The following EPHB1 variants were observed in gnomAD, a reference collection of about 807,000 sequenced individuals.
EPHB1 encodes the protein EPH receptor B1, also known as ephrin type-B receptor 1.
Under a neutral mutation model 94.4 loss-of-function variants are expected in EPHB1, and 30 were observed. The ratio of observed to expected loss-of-function variants is 0.32; its 90% CI spans 0.24 to 0.43. The LOEUF (loss-of-function observed/expected upper bound fraction) is 0.43, where lower values mean the gene tolerates loss of function less well. EPHB1 is among the 20% of genes least tolerant of loss of function. EPHB1 has a pLI of 1.00. For missense variants in EPHB1, 1,055 were observed against 1,308.3 expected, an observed-to-expected ratio of 0.81 and a Z score of 2.99; for synonymous variants, 522 against 489.1, an observed-to-expected ratio of 1.07 and a Z score of -0.89.
At chr3:135,237,763 C>T (rs1278844786) in intron 12 of EPHB1, among the ~76,000 whole-genome samples, 1 of 152,208 alleles carries the variant, frequency 6.6e-6, no homozygotes, top group Non-Finnish European at 1.5e-5. Context: ...ATATTCCTCA[C>T]CACCCAATGG....
chr3:135,079,250 A>G lies in EPHB1; in HGVS notation c.806-27198A>G, dbSNP rs372021606. 3.9e-5 allele frequency among the ~76,000 whole-genome samples: 6 copies of G among 152,354 alleles called. No homozygotes were observed. The East Asian group carries it at 1.2e-3, about 29-fold the overall frequency. On this transcript the variant is annotated intron_variant, in intron 3 of 15. Transcript: ENST00000398015. ...GAGTTGATCATGGGGCGTTGAGTCT[A>G]CAGAGTGATGGTGACATATTTCTGG...
At chr3:135,192,461 C>A in intron 10 of EPHB1, 115 bp from the exon 11 acceptor site, 1 of 1,300,288 alleles carries the variant, frequency 7.7e-7, no homozygotes, top group Non-Finnish European at 1.1e-6. Flanking sequence ...TTTTAATTTC[C>A]GCCACTTTAA....
intron 6 of EPHB1, among the ~76,000 whole-genome samples, chr3:135,158,010 G>A (rs897213773): frequency 1.3e-5 from 2 of 152,130 alleles, no homozygotes; most frequent in Admixed American, 1.3e-4. Flanking sequence ...CTTCGGTGGT[G>A]GAAACTTCTG....
chr3:134,812,042 G>A (rs2036189514), intron 1 of EPHB1, among the ~76,000 whole-genome samples: 1 of 152,242 alleles, frequency 6.6e-6, no homozygotes, highest in Non-Finnish European at 1.5e-5. Context: ...GGACGGCTAT[G>A]CCAGTGCCTA....
chr3:135,237,165 T>C (rs1332158374), intron 12 of EPHB1, among the ~76,000 whole-genome samples: 5 of 151,948 alleles, frequency 3.3e-5, no homozygotes, highest in African/African-American at 1.2e-4. Flanking sequence ...AGCTTCTACC[T>C]GTTGGCATCA....
At chr3:135,143,276 A>G (rs946289365) in intron 5 of EPHB1, among the ~76,000 whole-genome samples, 11 of 152,128 alleles carry the variant, frequency 7.2e-5, no homozygotes, top group Non-Finnish European at 1.5e-4. Context: ...GCATGGCAGG[A>G]TGGAAGCCCG....
chr3:135,074,902 G>T (rs1937854850), intron 3 of EPHB1, among the ~76,000 whole-genome samples: 1 of 152,192 alleles, frequency 6.6e-6, no homozygotes, highest in African/African-American at 2.4e-5. Flanking sequence ...TGAGGAGTGA[G>T]ACCCACAGGC....
intron 2 of EPHB1, among the ~76,000 whole-genome samples, chr3:134,950,708 C>A (rs1392410385): frequency 6.6e-6 from 1 of 151,836 alleles, no homozygotes; most frequent in Non-Finnish European, 1.5e-5. Flanking sequence ...GAAGGATCTG[C>A]CCCCATAATC....
At position 134,795,653 on chromosome 3, in the gene EPHB1, C is replaced by T. The variant is rs1342555176; in HGVS notation, c.22C>T (p.Leu8=). Residue 8 remains leucine, a synonymous_variant, in exon 1 of 16, where the codon CTG becomes TTG. Coordinates refer to ENST00000398015, the MANE Select transcript of EPHB1 (RefSeq NM_004441.5). ...GGCGATGGCCCTGGATTATCTACTA[C>T]TGCTCCTCCTGGCATCCGCAGTGGC... is the stretch of plus-strand genomic sequence containing the variant. MALDYLL[L]LLLASAVAAM... 8 of 1,609,776 alleles carry T rather than the reference C, an allele frequency of 5.0e-6. No individual in the cohort carries two copies. Among genetic ancestry groups the T allele is most frequent in the Non-Finnish European group, 6.8e-6 (8 of 1,178,364 alleles).
chr3:134,905,660 A>G (rs1231654233), intron 1 of EPHB1, among the ~76,000 whole-genome samples: 1 of 152,176 alleles, frequency 6.6e-6, no homozygotes, highest in Non-Finnish European at 1.5e-5. Flanking sequence ...AGTACACCAC[A>G]CTTCTGGCCT....
chr3:135,116,230 CA>C (rs755446904), intron 4 of EPHB1, among the ~76,000 whole-genome samples: 1 of 152,028 alleles, frequency 6.6e-6, no homozygotes, highest in Non-Finnish European at 1.5e-5. Flanking sequence ...AAAACAAAAA[CA>C]AAAAAACATT....
intron 3 of EPHB1, among the ~76,000 whole-genome samples, chr3:135,038,939 G>A (rs1346260893): frequency 1.3e-5 from 2 of 152,178 alleles, no homozygotes; most frequent in East Asian, 3.9e-4. Flanking sequence ...CGAGTGGCCT[G>A]TTTTGTCACG....
At chr3:135,075,488 C>G (rs1008048189) in intron 3 of EPHB1, among the ~76,000 whole-genome samples, 1 of 152,184 alleles carries the variant, frequency 6.6e-6, no homozygotes, top group Non-Finnish European at 1.5e-5. Context: ...GCCTTTTGAC[C>G]TGTTGCTCCC....
intron 3 of EPHB1, among the ~76,000 whole-genome samples, chr3:135,058,561 G>A (rs1375179104): frequency 2.0e-5 from 3 of 152,228 alleles, no homozygotes; most frequent in African/African-American, 7.2e-5. Flanking sequence ...ACACACCTCA[G>A]TCCACAATCC....
At chr3:135,193,186 T>C (rs4894290) in intron 11 of EPHB1, among the ~76,000 whole-genome samples, 71,695 of 152,108 alleles carry the variant, frequency 0.47, 17,768 homozygotes, top group East Asian at 0.63. Context: ...CTGCCTTTCA[T>C]CAGCACAGCC....
At chr3:135,256,542 T>C (rs1222505288) in intron 15 of EPHB1, among the ~76,000 whole-genome samples, 1 of 152,206 alleles carries the variant, frequency 6.6e-6, no homozygotes, top group Admixed American at 6.5e-5. Flanking sequence ...TGTTGAATAT[T>C]GGCCCCCACT....
intron 12 of EPHB1, among the ~76,000 whole-genome samples, chr3:135,212,046 A>G (rs1056538257): frequency 6.6e-6 from 1 of 151,928 alleles, no homozygotes; most frequent in African/African-American, 2.4e-5. Context: ...TCTCTTTTTC[A>G]GGTCTACTTT....
At chr3:134,801,356 T>A (rs2035931597) in intron 1 of EPHB1, among the ~76,000 whole-genome samples, 1 of 152,064 alleles carries the variant, frequency 6.6e-6, no homozygotes, top group South Asian at 2.1e-4. Context: ...AAAGAAGAAA[T>A]GATCAGCAGA....
chr3:134,922,176 A>G (rs2038701895), intron 1 of EPHB1, among the ~76,000 whole-genome samples: 1 of 152,212 alleles, frequency 6.6e-6, no homozygotes, highest in Middle Eastern at 3.2e-3. Context: ...GTGATGGTAA[A>G]TATTTAATTG....
Sources: gnomAD v4.1 joint callset for allele counts (sites outside exome capture counted in the v4.1 genomes callset) on GRCh38, gnomAD v4.1.1 for gene constraint, MANE v1.5 for transcripts, NCBI Gene and HGNC (gene_info 2026-07-23, HGNC 2026-07-21) for gene names.